The following KCNQ3 variants were observed in gnomAD, a reference collection of about 807,000 sequenced individuals.
KCNQ3 encodes the protein potassium voltage-gated channel subfamily KQT member 3.
Under a neutral mutation model 92.5 loss-of-function variants are expected in KCNQ3, and 30 were observed. The observed-to-expected ratio is 0.32, with a 90% CI of 0.24 to 0.44. KCNQ3 has a LOEUF of 0.44. Among genes scored for constraint, KCNQ3 ranks in the 20% least tolerant of loss-of-function variants. The pLI, the probability that KCNQ3 is intolerant of heterozygous loss-of-function variation, is 1.00. For synonymous variants in KCNQ3, 450 were observed against 468.8 expected, an observed-to-expected ratio of 0.96 and a Z score of 0.52; for missense variants, 913 against 1,140.3, an observed-to-expected ratio of 0.80 and a Z score of 2.87.
At chr8:132,387,818 T>C (rs1430956937) in intron 1 of KCNQ3, among the ~76,000 whole-genome samples, 2 of 151,924 alleles carry the variant, frequency 1.3e-5, no homozygotes, top group East Asian at 3.9e-4. Context: ...CTGGGAAGTA[T>C]AGTGAGATCC....
chr8:132,437,282 A>AT (rs1288962399), intron 1 of KCNQ3, among the ~76,000 whole-genome samples: 2 of 151,802 alleles, frequency 1.3e-5, no homozygotes, highest in African/African-American at 2.4e-5. Context: ...CGTCTCAAAA[A>AT]AAAAATAAAA....
intron 1 of KCNQ3, among the ~76,000 whole-genome samples, chr8:132,442,635 C>A (rs1821566687): frequency 6.6e-6 from 1 of 152,178 alleles, no homozygotes; most frequent in Admixed American, 6.5e-5. Context: ...TCCTAGTTCC[C>A]CATACAAGCT....
intron 1 of KCNQ3, among the ~76,000 whole-genome samples, chr8:132,232,279 A>C (rs1273216356): frequency 6.6e-6 from 1 of 152,234 alleles, no homozygotes; most frequent in Non-Finnish European, 1.5e-5. Context: ...GTTAAATGGC[A>C]GACTCCAATT....
At chr8:132,154,219 T>TTTTTTTTTTTTTTTTTTTTTG (rs1825736779) in intron 9 of KCNQ3, among the ~76,000 whole-genome samples, 1 of 103,480 alleles carries the variant, frequency 9.7e-6, no homozygotes, top group African/African-American at 3.7e-5. Flanking sequence ...TTTTTTTTTT[T>TTTTTTTTTTTTTTTTTTTTTG]TTTTAGCCAA....
intron 1 of KCNQ3, among the ~76,000 whole-genome samples, chr8:132,301,278 A>G (rs1258543268): frequency 6.6e-6 from 1 of 152,038 alleles, no homozygotes; most frequent in Non-Finnish European, 1.5e-5. Context: ...CTGTACGCCC[A>G]TCTCATCATA....
intron 1 of KCNQ3, among the ~76,000 whole-genome samples, chr8:132,476,230 C>T (rs1563924250): frequency 6.6e-6 from 1 of 152,080 alleles, no homozygotes; most frequent in East Asian, 1.9e-4. Context: ...TAGAGAACCT[C>T]TGTGAGGGCA....
intron 1 of KCNQ3, chr8:132,447,097 CA>C: frequency 9.8e-7 from 1 of 1,019,356 alleles, no homozygotes; most frequent in East Asian, 2.6e-5. Context: ...ACTTGGTCCC[CA>C]AATAAGCTAT....
chr8:132,254,939 C>A (rs560655928), intron 1 of KCNQ3, among the ~76,000 whole-genome samples: 301 of 152,182 alleles, frequency 2.0e-3, no homozygotes, highest in Non-Finnish European at 3.9e-3. Context: ...TCCTAAAGTC[C>A]TCTCTTCCAT....
At chr8:132,313,415 A>C (rs904596157) in intron 1 of KCNQ3, among the ~76,000 whole-genome samples, 1 of 152,118 alleles carries the variant, frequency 6.6e-6, no homozygotes, top group Non-Finnish European at 1.5e-5. Context: ...CATGAATGCA[A>C]ATTTTTTTTT....
intron 1 of KCNQ3, among the ~76,000 whole-genome samples, chr8:132,333,085 C>T (rs971958990): frequency 1.3e-5 from 2 of 152,160 alleles, no homozygotes; most frequent in African/African-American, 4.8e-5. Context: ...AAGAGAGGGG[C>T]ATCCTCCTTA....
chr8:132,450,254 A>C (rs1029986497), intron 1 of KCNQ3, among the ~76,000 whole-genome samples: 2 of 152,002 alleles, frequency 1.3e-5, no homozygotes, highest in African/African-American at 4.8e-5. Context: ...TGATTGGTCC[A>C]TTTTACAGAG....
At chr8:132,444,843 T>C (rs565192462) in intron 1 of KCNQ3, among the ~76,000 whole-genome samples, 3 of 152,274 alleles carry the variant, frequency 2.0e-5, no homozygotes, top group South Asian at 4.1e-4. Context: ...TTATATAAAA[T>C]AAAGAGAATA....
chr8:132,437,873 C>T (rs1208552544), intron 1 of KCNQ3, among the ~76,000 whole-genome samples: 4 of 152,192 alleles, frequency 2.6e-5, no homozygotes, highest in Non-Finnish European at 4.4e-5. Flanking sequence ...TTGTTCACAG[C>T]AGTTTAACTT....
intron 1 of KCNQ3, among the ~76,000 whole-genome samples, chr8:132,327,599 C>T (rs962687927): frequency 2.0e-5 from 3 of 152,112 alleles, no homozygotes; most frequent in African/African-American, 7.2e-5. Flanking sequence ...GATGTGCCTA[C>T]CTGGAGCCCA....
chr8:132,122,811 G>A lies in KCNQ3; in HGVS notation c.*6451C>T, dbSNP rs1337456899. The A allele has an allele frequency of 2.0e-5, 3 of 151,888 alleles. No individual in the cohort carries two copies. Among genetic ancestry groups the A allele is most frequent in the Non-Finnish European group, 2.9e-5 (2 of 67,918 alleles). 9.4% of individuals were successfully genotyped at this position (151,888 alleles called of 1,614,324 possible). A position where few individuals can be genotyped will look rare whatever the true frequency, so the allele number is the denominator to read the frequency against. On this transcript the variant is annotated 3_prime_UTR_variant, in exon 15 of 15. Transcript: ENST00000388996. ...CTGGCCGATTTATCCCGAGAACAAT[G>A]TAAGTGGAAACTAACAATGAAGATG...
intron 1 of KCNQ3, among the ~76,000 whole-genome samples, chr8:132,374,409 T>A (rs1051954532): frequency 6.6e-6 from 1 of 152,104 alleles, no homozygotes; most frequent in Non-Finnish European, 1.5e-5. Flanking sequence ...TAGGTCACTA[T>A]CCTCCTCCAC....
intron 1 of KCNQ3, among the ~76,000 whole-genome samples, chr8:132,478,916 C>T (rs1176249289): frequency 6.7e-6 from 1 of 149,018 alleles, no homozygotes; most frequent in African/African-American, 2.5e-5. Flanking sequence ...CCACATCAGT[C>T]ATGGGTGAAT....
intron 9 of KCNQ3, among the ~76,000 whole-genome samples, chr8:132,146,713 C>T (rs373764697): frequency 4.6e-5 from 7 of 151,974 alleles, no homozygotes; most frequent in East Asian, 3.9e-4. Flanking sequence ...CTCAGCCTCC[C>T]GAGTTACTGG....
chr8:132,449,526 C>T (rs1192242304), intron 1 of KCNQ3, among the ~76,000 whole-genome samples: 1 of 152,128 alleles, frequency 6.6e-6, no homozygotes, highest in Non-Finnish European at 1.5e-5. Flanking sequence ...AGCTCAGCCA[C>T]TCCCTTTTCC....
Sources: gnomAD v4.1 joint callset for allele counts (sites outside exome capture counted in the v4.1 genomes callset) on GRCh38, gnomAD v4.1.1 for gene constraint, MANE v1.5 for transcripts, NCBI Gene and HGNC (gene_info 2026-07-23, HGNC 2026-07-21) for gene names.